Variants in SELENOO observed in about 807,000 individuals in gnomAD.
SELENOO encodes the protein selenoprotein O.
SELENOO carries 74 observed loss-of-function variants against 58.7 expected under a neutral mutation model. That is an observed-to-expected ratio of 1.26 (90% CI 1.04 to 1.53). The LOEUF (loss-of-function observed/expected upper bound fraction) is 1.53. Ranked by LOEUF, SELENOO falls within the 40% of genes most tolerant of loss-of-function variation. SELENOO has a pLI of 0.00. For synonymous variants in SELENOO, 543 were observed against 453.2 expected (o/e 1.20, Z -2.52); for missense variants, 1,149 against 970.0 (o/e 1.18, Z -2.45).
chr22:50,206,029 G>C (rs1356789467), intron 1 of SELENOO: 1 of 501,216 alleles, frequency 2.0e-6, no homozygotes, highest in Admixed American at 3.3e-5. Flanking sequence ...CACAGTCCTG[G>C]CTTCTGCTGC....
rs34704774 is a variant in SELENOO at position 50,216,766 on chromosome 22, C to A, written c.1578C>A (p.Ile526=). The A allele has an allele frequency of 6.2e-7, 1 of 1,608,346 alleles. No individual in the cohort carries two copies. The highest frequency in any genetic ancestry group is 2.2e-5 in the East Asian group (1 of 44,850). ...LFALMGTRAG[I]ARELERVEQQ... ...CGCTTATGGGCACCCGGGCAGGCATCGCCAGGGAGCTGGAGCGTGTGGAGC... is the reference window on the plus strand; with the variant it reads ...CGCTTATGGGCACCCGGGCAGGCATAGCCAGGGAGCTGGAGCGTGTGGAGC... Residue 526 remains isoleucine (I), a synonymous_variant, in exon 7 of 9, where the codon ATC becomes ATA. Coordinates refer to ENST00000380903, the MANE Select transcript of SELENOO (RefSeq NM_031454.2).
At position 50,217,577 on chromosome 22, in the gene SELENOO, G is replaced by T; in HGVS notation, c.*208G>T. 1.1e-6 allele frequency: 1 copy of T among 946,654 alleles called. No homozygotes were observed. The highest frequency in any genetic ancestry group is 1.6e-6 in the Non-Finnish European group (1 of 642,712). The allele number at this position is 946,654 out of a possible 1,614,324, so 58.6% of individuals were successfully genotyped here. A position where few individuals can be genotyped will look rare whatever the true frequency, so the allele number is the denominator to read the frequency against. On this transcript the variant is annotated 3_prime_UTR_variant, in exon 9 of 9. Coordinates refer to ENST00000380903, the MANE Select transcript of SELENOO (RefSeq NM_031454.2). ...CAGCAGTGCAGCCTGGTCCCTGGGG[G>T]CTGGACCCAGGCTCCTAAATAAACC...
At position 50,217,235 on chromosome 22, in the gene SELENOO, C is replaced by T. The variant is rs772647319; in HGVS notation, c.1876C>T (p.Pro626Ser). ...GCGGGTGCTGAAACTACTGGAGACC[C>T]CTTACCACTGCGAGGCGGGGGCCGC... The part of the protein sequence containing the change: ...VRRVLKLLET[P>S]YHCEAGAATD... The change falls in exon 9 of 9, where the codon CCT becomes TCT. Residue 626 changes from proline to serine, a missense_variant. Transcript: ENST00000380903. 6.2e-7 allele frequency: 1 copy of T among 1,611,890 alleles called. No homozygotes were observed. The highest frequency in any genetic ancestry group is 1.3e-5 in the African/African-American group (1 of 75,032).
At chr22:50,208,995 G>C (rs2064350803) in intron 3 of SELENOO, among the ~76,000 whole-genome samples, 1 of 152,186 alleles carries the variant, frequency 6.6e-6, no homozygotes, top group Non-Finnish European at 1.5e-5. Context: ...GGTGGGAGCT[G>C]GCTTGGGTGG....
At position 50,216,771 on chromosome 22, in the gene SELENOO, G is replaced by T; in HGVS notation, c.1583G>T (p.Arg528Met). 6.2e-7 allele frequency: 1 copy of T among 1,608,872 alleles called. No homozygotes were observed. Reference protein sequence around the residue: ...ALMGTRAGIARELERVEQQSR... With the variant: ...ALMGTRAGIAMELERVEQQSR... The stretch of plus-strand genomic sequence containing the variant: ...ATGGGCACCCGGGCAGGCATCGCCA[G>T]GGAGCTGGAGCGTGTGGAGCAGCAG... Residue 528 changes from arginine to methionine, a missense_variant, in exon 7 of 9, where the codon AGG becomes ATG. Coordinates refer to ENST00000380903, the MANE Select transcript of SELENOO (RefSeq NM_031454.2).
At chr22:50,204,729 G>A (rs989762845) in intron 1 of SELENOO, among the ~76,000 whole-genome samples, 2 of 152,188 alleles carry the variant, frequency 1.3e-5, no homozygotes, top group Non-Finnish European at 2.9e-5. Context: ...GTGGAAAACA[G>A]TGTGGAAGTT....
chr22:50,206,302 T>G lies in SELENOO; in HGVS notation c.555-15T>G, dbSNP rs1466585047. 1 of 1,612,216 alleles carries G rather than the reference T, an allele frequency of 6.2e-7. No homozygotes were observed. On this transcript the variant is annotated splice_polypyrimidine_tract_variant and intron_variant, in intron 1 of 8. Coordinates refer to ENST00000380903, the MANE Select transcript of SELENOO (RefSeq NM_031454.2). ...CCTGACCGGCCCACGTAGTGAACTC[T>G]GTGTTTGGTTTCAGACAGGCCGACG...
Position 50,210,649 on chromosome 22 carries a change from G to T in SELENOO, c.1089G>T (p.Val363=). The T allele has an allele frequency of 6.2e-7, 1 of 1,612,920 alleles. No homozygotes were observed. The highest frequency in any genetic ancestry group is 1.1e-5 in the South Asian group (1 of 91,080). Residue 363 remains valine, a synonymous_variant, in exon 5 of 9, where the codon GTG becomes GTT. Coordinates refer to ENST00000380903, the MANE Select transcript of SELENOO (RefSeq NM_031454.2). ...GTGGCAGGTACGACCCCGACCACGT[G>T]TGCAATGCCTCCGACAACACCGGCC... The part of the protein sequence containing the change: ...GFLDRYDPDH[V]CNASDNTGRY...
In SELENOO at chr22:50,217,167, G is replaced by T. The variant is rs781066966; in HGVS notation, c.1846-38G>T. On this transcript the variant is annotated intron_variant, in intron 8 of 8. Coordinates refer to ENST00000380903, the MANE Select transcript of SELENOO (RefSeq NM_031454.2). Reference sequence around the variant, plus strand: ...TGTCCCTGTGGTCCCTGGGAGGGGGGTCGGCCCCAGACCCCTCTCACCCTC... The same window carrying T: ...TGTCCCTGTGGTCCCTGGGAGGGGGTTCGGCCCCAGACCCCTCTCACCCTC... The T allele has an allele frequency of 3.7e-6, 6 of 1,610,844 alleles. No homozygotes were observed. In the South Asian group the frequency reaches 5.5e-5, roughly 15 times the overall value.
chr22:50,202,217 A>AAAACAATACCCAT (rs55778043), intron 1 of SELENOO, among the ~76,000 whole-genome samples: 1 of 151,832 alleles, frequency 6.6e-6, no homozygotes, highest in African/African-American at 2.4e-5. Context: ...AATGACTAGG[A>AAAACAATACCCAT]AAGTGTACAT....
chr22:50,215,898 T>C (rs1464904468), intron 6 of SELENOO, 31 bp downstream of exon 6: 1 of 1,561,790 alleles, frequency 6.4e-7, no homozygotes, highest in Admixed American at 1.8e-5. Flanking sequence ...TCTTTGGATT[T>C]GTTTCCAGAA....
rs370874005 is a variant in SELENOO at position 50,210,731 on chromosome 22, G to A, written c.1171G>A (p.Glu391Lys). 6.1e-5 allele frequency: 99 copies of A among 1,613,502 alleles called. 1 individual carries two copies. The South Asian group carries it at 7.7e-4, about 13-fold the overall frequency. Residue 391 changes from glutamate (E) to lysine (K), a missense_variant, in exon 5 of 9, where the codon GAG (glutamate) becomes AAG (lysine). Coordinates refer to ENST00000380903, the MANE Select transcript of SELENOO (RefSeq NM_031454.2). ...VCRWNLRKLA[E>K]ALQPELPLEL... ...CAGGTGGAACCTGCGGAAGCTGGCC[G>A]AGGCCCTGCAGCCGGAACTGCCCCT... is the stretch of plus-strand genomic sequence containing the variant.
In SELENOO at chr22:50,210,183, G is replaced by C. The variant is rs1279269908; in HGVS notation, c.942G>C (p.Val314=). ...GCAAGCACACTGTCCCACCCCAGGT[G>C]ACGCGGCGCACGGCGCGGATGGTGG... ...VQRNAAFFRE[V]TRRTARMVAE... Residue 314 remains valine, a splice_region_variant and synonymous_variant, in exon 4 of 9, where the codon GTG becomes GTC. Coordinates refer to ENST00000380903, the MANE Select transcript of SELENOO (RefSeq NM_031454.2). 1.9e-6 allele frequency: 3 copies of C among 1,612,826 alleles called. No individual in the cohort carries two copies. Among genetic ancestry groups the C allele is most frequent in the Admixed American group, 1.7e-5 (1 of 59,980 alleles).
At chr22:50,205,392 C>T (rs944625831) in intron 1 of SELENOO, among the ~76,000 whole-genome samples, 3 of 152,172 alleles carry the variant, frequency 2.0e-5, no homozygotes, top group South Asian at 2.1e-4. Flanking sequence ...TCAAGACTAG[C>T]GTGGGCAACA....
chr22:50,204,620 CA>C (rs34563111), intron 1 of SELENOO, among the ~76,000 whole-genome samples: 33,522 of 147,734 alleles, frequency 0.23, 4,199 homozygotes, highest in African/African-American at 0.37. Context: ...GACCCTGTCT[CA>C]AAAAAAAAAA....
chr22:50,204,867 G>A (rs2064323262), intron 1 of SELENOO, among the ~76,000 whole-genome samples: 1 of 152,234 alleles, frequency 6.6e-6, no homozygotes, highest in Non-Finnish European at 1.5e-5. Flanking sequence ...ATCAGCAGGT[G>A]AATGGATTAA....
At position 50,217,130 on chromosome 22, in the gene SELENOO, C is replaced by T. The variant is rs2064422732; in HGVS notation, c.1845+2C>T. ...GCCGAGCGCGGGGACTTCTCAGAGGCAAGCACACGCCTGTCCCTGTGGTCC... is the reference window on the plus strand; with the variant it reads ...GCCGAGCGCGGGGACTTCTCAGAGGTAAGCACACGCCTGTCCCTGTGGTCC... On this transcript the variant is annotated splice_donor_variant, in intron 8 of 8. Coordinates refer to ENST00000380903, the MANE Select transcript of SELENOO (RefSeq NM_031454.2). LOFTEE classifies it low-confidence loss of function (GC_TO_GT_DONOR). 1.2e-6 allele frequency: 2 copies of T among 1,612,608 alleles called. No homozygotes were observed. Among genetic ancestry groups the T allele is most frequent in the East Asian group, 4.5e-5 (2 of 44,858 alleles).
chr22:50,210,863 G>A lies in SELENOO; in HGVS notation c.1303G>A (p.Glu435Lys). The A allele has an allele frequency of 1.2e-6, 2 of 1,614,148 alleles. No homozygotes were observed. Among genetic ancestry groups the A allele is most frequent in the Non-Finnish European group, 1.7e-6 (2 of 1,180,030 alleles). Residue 435 changes from glutamate (E) to lysine (K), a missense_variant, in exon 5 of 9, where the codon GAA becomes AAA. Transcript: ENST00000380903. Reference protein sequence around the residue: ...KLGLVQVELEEDGALVSKLLE... With the variant: ...KLGLVQVELEKDGALVSKLLE... ...GGGCCTCGTGCAGGTGGAGCTGGAG[G>A]AAGACGGGGCGCTGGTGTCCAAGCT...
At chr22:50,207,399 T>C (rs563744454) in intron 2 of SELENOO, among the ~76,000 whole-genome samples, 1 of 152,158 alleles carries the variant, frequency 6.6e-6, no homozygotes, top group South Asian at 2.1e-4. Flanking sequence ...GCTAGAATTA[T>C]AGGCCTGAGC....
Sources: gnomAD v4.1 joint callset for allele counts (sites outside exome capture counted in the v4.1 genomes callset) on GRCh38, gnomAD v4.1.1 for gene constraint, MANE v1.5 for transcripts, NCBI Gene and HGNC (gene_info 2026-07-23, HGNC 2026-07-21) for gene names.